CSNK1G1: variants seen among roughly 807,000 people sequenced by gnomAD.
The protein encoded by CSNK1G1 is casein kinase I isoform gamma-1.
Under a neutral mutation model 59.6 loss-of-function variants are expected in CSNK1G1, and 22 were observed. That is an observed-to-expected ratio of 0.37 (90% CI 0.26 to 0.53). The LOEUF is 0.53. CSNK1G1 is among the 20% of genes least tolerant of loss of function. CSNK1G1 has a pLI of 0.89. For missense variants in CSNK1G1, 384 were observed against 519.5 expected (o/e 0.74, Z 2.54); for synonymous variants, 179 against 177.1 (o/e 1.01, Z -0.08).
intron 1 of CSNK1G1, among the ~76,000 whole-genome samples, chr15:64,354,624 T>G (rs934022671): frequency 6.6e-6 from 1 of 152,210 alleles, no homozygotes. Flanking sequence ...TTTTCAAAAT[T>G]ATCCGGTTGC....
chr15:64,304,284 G>A (rs1257816757), intron 1 of CSNK1G1, among the ~76,000 whole-genome samples: 4 of 149,952 alleles, frequency 2.7e-5, no homozygotes, highest in Non-Finnish European at 1.5e-5. Context: ...TTGGGTGGCT[G>A]AGGCAGGAGA....
At chr15:64,259,623 C>CAA (rs1475292172) in intron 2 of CSNK1G1, among the ~76,000 whole-genome samples, 1 of 152,068 alleles carries the variant, frequency 6.6e-6, no homozygotes, top group African/African-American at 2.4e-5. Flanking sequence ...ACAATAAACA[C>CAA]AAACCTTCAT....
intron 1 of CSNK1G1, among the ~76,000 whole-genome samples, chr15:64,346,762 A>G (rs1898001366): frequency 6.6e-6 from 1 of 152,082 alleles, no homozygotes; most frequent in Non-Finnish European, 1.5e-5. Context: ...CTGGCTGGAA[A>G]TGAGTTTTCA....
At chr15:64,181,491 T>A (rs2081812845) in intron 10 of CSNK1G1, 2 of 1,398,444 alleles carry the variant, frequency 1.4e-6, no homozygotes, top group Middle Eastern at 1.8e-4. Flanking sequence ...TGCCCTTGGA[T>A]AAGTACTTCC....
intron 4 of CSNK1G1, among the ~76,000 whole-genome samples, chr15:64,228,835 G>C (rs375328804): frequency 7.2e-6 from 1 of 138,702 alleles, no homozygotes; most frequent in Non-Finnish European, 1.7e-5. Flanking sequence ...GGGCAACATG[G>C]TGAAACCCCT....
At chr15:64,316,607 C>T (rs549863417) in intron 1 of CSNK1G1, among the ~76,000 whole-genome samples, 1 of 151,132 alleles carries the variant, frequency 6.6e-6, no homozygotes, top group Admixed American at 6.6e-5. Context: ...GAGGAGACCA[C>T]CCCTCATGTT....
rs1170126351 is a variant in CSNK1G1 at position 64,278,414 on chromosome 15, GTGTGTATA to G, written c.182-19181_182-19174del. ...TGTGTGTGTGTGTGTGTGTGTGTGT[GTGTGTATA>G]TATATATATATTTTTTTTTTTTTGG... On this transcript the variant is annotated intron_variant, in intron 2 of 11. Transcript: ENST00000303052. Among the ~76,000 whole-genome samples the G allele has an allele frequency of 1.7e-3, 175 of 105,950 alleles. 1 individual carries two copies. The highest frequency in any genetic ancestry group is 7.9e-3 in the African/African-American group (151 of 19,174). 69.5% of individuals were successfully genotyped at this position (105,950 alleles called of 152,430 possible). A position where few individuals can be genotyped will look rare whatever the true frequency, so the allele number is the denominator to read the frequency against.
At chr15:64,321,440 G>T (rs116418140) in intron 1 of CSNK1G1, among the ~76,000 whole-genome samples, 1 of 151,620 alleles carries the variant, frequency 6.6e-6, no homozygotes, top group African/African-American at 2.4e-5. Flanking sequence ...ATTTTTTGGT[G>T]GGGGAAGAGA....
intron 4 of CSNK1G1, among the ~76,000 whole-genome samples, chr15:64,238,542 T>TATATGA (rs1555396893): frequency 8.3e-6 from 1 of 120,222 alleles, no homozygotes; most frequent in African/African-American, 3.4e-5. Context: ...TATATATATA[T>TATATGA]ATGAAAAAAA....
intron 4 of CSNK1G1, among the ~76,000 whole-genome samples, chr15:64,247,192 G>A (rs542545546): frequency 6.6e-6 from 1 of 152,198 alleles, no homozygotes; most frequent in Non-Finnish European, 1.5e-5. Flanking sequence ...GATAATGTAT[G>A]TATCTTCCTA....
chr15:64,321,949 G>C (rs1896588339), intron 1 of CSNK1G1, among the ~76,000 whole-genome samples: 1 of 152,198 alleles, frequency 6.6e-6, no homozygotes, highest in African/African-American at 2.4e-5. Flanking sequence ...CCTCACAAGA[G>C]TGCCTGGTAG....
chr15:64,287,248 G>C (rs1330684204), intron 2 of CSNK1G1, among the ~76,000 whole-genome samples: 1 of 152,130 alleles, frequency 6.6e-6, no homozygotes, highest in Admixed American at 6.6e-5. Flanking sequence ...AACGATGACA[G>C]TTGAACTAGA....
intron 1 of CSNK1G1, among the ~76,000 whole-genome samples, chr15:64,341,417 C>T (rs1897675143): frequency 6.6e-6 from 1 of 151,864 alleles, no homozygotes; most frequent in South Asian, 2.1e-4. Flanking sequence ...GGAATACAGG[C>T]GTGAGCCACA....
intron 9 of CSNK1G1, among the ~76,000 whole-genome samples, chr15:64,203,846 A>G (rs1177373809): frequency 6.6e-6 from 1 of 152,034 alleles, no homozygotes; most frequent in Non-Finnish European, 1.5e-5. Context: ...TGTGGCATCA[A>G]CTTCTGAATC....
intron 4 of CSNK1G1, among the ~76,000 whole-genome samples, chr15:64,249,305 G>A (rs146388423): frequency 3.3e-5 from 5 of 152,244 alleles, no homozygotes; most frequent in East Asian, 1.9e-4. Flanking sequence ...TTACACTAGC[G>A]GGTAGGGGTA....
At chr15:64,339,093 A>G (rs1487129721) in intron 1 of CSNK1G1, among the ~76,000 whole-genome samples, 3 of 152,118 alleles carry the variant, frequency 2.0e-5, no homozygotes, top group Non-Finnish European at 4.4e-5. Context: ...GGAGGAGAGA[A>G]AAGGGGCTAC....
intron 1 of CSNK1G1, among the ~76,000 whole-genome samples, chr15:64,338,700 C>CA (rs34206192): frequency 0.68 from 21,394 of 31,406 alleles, 9,703 homozygotes; most frequent in East Asian, 0.8. Flanking sequence ...AACTCGGTCT[C>CA]AAAAAAAAAA....
At chr15:64,271,994 C>G (rs924425985) in intron 2 of CSNK1G1, among the ~76,000 whole-genome samples, 2 of 152,104 alleles carry the variant, frequency 1.3e-5, no homozygotes, top group Non-Finnish European at 2.9e-5. Context: ...GAACCTTTTA[C>G]CACTATGTAA....
chr15:64,230,863 A>G (rs148842178), intron 4 of CSNK1G1, among the ~76,000 whole-genome samples: 1,637 of 152,124 alleles, frequency 0.011, 29 homozygotes, highest in African/African-American at 0.03. Flanking sequence ...AGTCCCAACT[A>G]CTCAGGAGGC....
Sources: gnomAD v4.1 joint callset for allele counts (sites outside exome capture counted in the v4.1 genomes callset) on GRCh38, gnomAD v4.1.1 for gene constraint, MANE v1.5 for transcripts, NCBI Gene and HGNC (gene_info 2026-07-23, HGNC 2026-07-21) for gene names.